The following TDRD5 variants were observed in gnomAD, a reference collection of about 807,000 sequenced individuals.
TDRD5 encodes tudor domain containing 5.
Under a neutral mutation model 120.6 loss-of-function variants are expected in TDRD5, and 41 were observed. The observed-to-expected ratio is 0.34, with a 90% CI of 0.26 to 0.44. TDRD5 has a LOEUF of 0.44. Ranked by LOEUF, TDRD5 falls within the 20% of genes least tolerant of loss-of-function variation. The pLI, the probability that TDRD5 is intolerant of heterozygous loss-of-function variation, is 1.00. For missense variants in TDRD5, 1,006 were observed against 1,221.2 expected (o/e 0.82, Z 2.63); for synonymous variants, 430 against 433.7 (o/e 0.99, Z 0.11).
intron 12 of TDRD5, 124 bp from the exon 13 acceptor site, chr1:179,651,911 TCGAA>T: frequency 1.8e-6 from 2 of 1,097,120 alleles, no homozygotes; most frequent in Non-Finnish European, 2.6e-6. Context: ...AGACTCCATC[TCGAA>T]ATAAATAAAT....
In TDRD5 at chr1:179,600,093, A is replaced by G. The variant is rs150079818; in HGVS notation, c.831+4275A>G. Among the ~76,000 whole-genome samples the G allele has an allele frequency of 2.3e-4, 35 of 152,254 alleles. No individual in the cohort carries two copies. In the East Asian group the frequency reaches 6.0e-3, roughly 26 times the overall value. ...ATTCCAGAAGGAAGGCATTGTTATC[A>G]TAGGTGATGACAGCTCCATGCATAT... On this transcript the variant is annotated intron_variant, in intron 4 of 17. Coordinates refer to ENST00000444136, the MANE Select transcript of TDRD5 (RefSeq NM_001199085.3).
chr1:179,690,759 A>T lies in TDRD5; in HGVS notation c.2924A>T (p.Tyr975Phe). The T allele has an allele frequency of 6.2e-7, 1 of 1,614,234 alleles. No homozygotes were observed. The highest frequency in any genetic ancestry group is 8.5e-7 in the Non-Finnish European group (1 of 1,180,044). Residue 975 changes from tyrosine (Y) to phenylalanine (F), a missense_variant, in exon 18 of 18, where the codon TAC (tyrosine) becomes TTC (phenylalanine). Around this residue, in one of 3 missense-constraint regions of TDRD5, gnomAD observed 403 missense variants for 448.1 expected, o/e 0.90. Transcript: ENST00000444136. ...TCTAGCAGCCGTGCTATTACATTGT[A>T]CAAAGACAAGCGTCAAGAATCTGTA... ...DFSSSRAITL[Y>F]KDKRQESVDQ...
At position 179,651,056 on chromosome 1, in the gene TDRD5, A is replaced by G. The variant is rs748092938; in HGVS notation, c.1990A>G (p.Ile664Val). ...CCATGCTATTGTATGCCGAGAAAAT[A>G]TCTCTTCTAAGGTGGAGCAGTCTGG... ...EGHAIVCREN[I>V]SSKGFSELNP... Residue 664 changes from isoleucine to valine, a missense_variant, in exon 12 of 18, where the codon ATC (isoleucine) becomes GTC (valine). Physicochemically the swap from Ile to Val is conservative, Grantham distance 29. Around this residue, in one of 3 missense-constraint regions of TDRD5, gnomAD observed 403 missense variants for 448.1 expected, o/e 0.90. Transcript: ENST00000444136. 6.2e-7 allele frequency: 1 copy of G among 1,614,104 alleles called. No individual in the cohort carries two copies. The highest frequency in any genetic ancestry group is 1.7e-4 in the Middle Eastern group (1 of 6,060).
At chr1:179,619,438 A>C (rs1425044398) in intron 5 of TDRD5, among the ~76,000 whole-genome samples, 1 of 152,084 alleles carries the variant, frequency 6.6e-6, no homozygotes, top group East Asian at 1.9e-4. Context: ...TTTTTGTGGG[A>C]GCTGTTAATC....
At chr1:179,622,424 A>AC (rs1676888231) in intron 6 of TDRD5, among the ~76,000 whole-genome samples, 1 of 152,156 alleles carries the variant, frequency 6.6e-6, no homozygotes, top group Non-Finnish European at 1.5e-5. Flanking sequence ...AGAAAATGTG[A>AC]CCCCTTGACA....
At chr1:179,618,900 T>C (rs1676701130) in intron 5 of TDRD5, among the ~76,000 whole-genome samples, 1 of 152,144 alleles carries the variant, frequency 6.6e-6, no homozygotes, top group African/African-American at 2.4e-5. Flanking sequence ...CCATAAGTTC[T>C]CTCTTCCTTT....
chr1:179,637,336 A>T (rs1446229111), intron 9 of TDRD5, among the ~76,000 whole-genome samples: 1 of 152,124 alleles, frequency 6.6e-6, no homozygotes, highest in African/African-American at 2.4e-5. Flanking sequence ...AAGTTACTTT[A>T]CTTCTCTGGG....
At chr1:179,654,383 C>G (rs1678879005) in intron 14 of TDRD5, 21 bp downstream of exon 14, 1 of 1,513,308 alleles carries the variant, frequency 6.6e-7, no homozygotes, top group African/African-American at 1.4e-5. Flanking sequence ...GAAAGATAGT[C>G]TTTGAATATG....
intron 17 of TDRD5, among the ~76,000 whole-genome samples, chr1:179,686,873 G>A (rs1362218801): frequency 1.3e-5 from 2 of 152,134 alleles, no homozygotes; most frequent in Non-Finnish European, 2.9e-5. Context: ...GTATTTCTGT[G>A]GGATCAGTGG....
At chr1:179,643,927 G>A (rs780791508) in intron 11 of TDRD5, among the ~76,000 whole-genome samples, 4 of 152,006 alleles carry the variant, frequency 2.6e-5, no homozygotes, top group South Asian at 2.1e-4. Flanking sequence ...AAAGCAAAAG[G>A]AGAAAATCCT....
intron 17 of TDRD5, among the ~76,000 whole-genome samples, chr1:179,673,570 C>T (rs1471544664): frequency 6.6e-6 from 1 of 152,140 alleles, no homozygotes; most frequent in Non-Finnish European, 1.5e-5. Flanking sequence ...TGCATTGGTT[C>T]GGTCTGGAAG....
chr1:179,602,252 C>A (rs1350693739), intron 4 of TDRD5, among the ~76,000 whole-genome samples: 1 of 152,208 alleles, frequency 6.6e-6, no homozygotes, highest in Non-Finnish European at 1.5e-5. Context: ...GCCATTCTTG[C>A]AGGAGTAAGG....
chr1:179,645,513 A>C lies in TDRD5; in HGVS notation c.1800+5068A>C, dbSNP rs1249682311. Among the ~76,000 whole-genome samples the C allele has an allele frequency of 2.0e-5, 3 of 152,348 alleles. No individual in the cohort carries two copies. In the East Asian group the frequency reaches 5.8e-4, roughly 29 times the overall value. On this transcript the variant is annotated intron_variant, in intron 11 of 17. Transcript: ENST00000444136. ...CAGAGGCTGATAGATGGTCCAGTATAGTGTCACTTTTTGTAAATGGTGGTG... is the reference window on the plus strand; with the variant it reads ...CAGAGGCTGATAGATGGTCCAGTATCGTGTCACTTTTTGTAAATGGTGGTG...
rs750042297 is a variant in TDRD5, at chr1:179,670,391, C to CA, written c.2860+1003dup. ...TGGGTGACAGAGTGAGACTCCGTCT[C>CA]AAAAAAAAAAAAAAAATTATATATG... On this transcript the variant is annotated intron_variant, in intron 17 of 17. Transcript: ENST00000444136. Among the ~76,000 whole-genome samples, 1,004 of 102,590 alleles carry CA rather than the reference C, an allele frequency of 9.8e-3. 1 individual carries two copies. Among genetic ancestry groups the CA allele is most frequent in the East Asian group, 0.033 (120 of 3,628 alleles). The allele number at this position is 102,590 out of a possible 152,430, so 67.3% of individuals were successfully genotyped here. A position where few individuals can be genotyped will look rare whatever the true frequency, so the allele number is the denominator to read the frequency against.
chr1:179,674,434 TC>T (rs1680013803), intron 17 of TDRD5, among the ~76,000 whole-genome samples: 1 of 152,192 alleles, frequency 6.6e-6, no homozygotes. Context: ...GTTACTGGAT[TC>T]AGTTCACTAG....
chr1:179,628,314 CTTT>C (rs1677242498), intron 6 of TDRD5, among the ~76,000 whole-genome samples: 2 of 54,966 alleles, frequency 3.6e-5, no homozygotes, highest in Non-Finnish European at 7.1e-5. Flanking sequence ...TATTTCTTTT[CTTT>C]TCTTTTCTTT....
chr1:179,628,461 G>A (rs1677259217), intron 6 of TDRD5, among the ~76,000 whole-genome samples: 1 of 128,238 alleles, frequency 7.8e-6, no homozygotes, highest in African/African-American at 2.8e-5. Flanking sequence ...ACCATGTCCA[G>A]CTAAGTTTTT....
intron 17 of TDRD5, among the ~76,000 whole-genome samples, chr1:179,686,256 C>T (rs909979881): frequency 2.2e-4 from 33 of 152,070 alleles, no homozygotes; most frequent in African/African-American, 7.7e-4. Flanking sequence ...GCATGAAGGG[C>T]TGTTGAATTT....
At chr1:179,626,578 C>T (rs1211831471) in intron 6 of TDRD5, among the ~76,000 whole-genome samples, 3 of 152,098 alleles carry the variant, frequency 2.0e-5, no homozygotes, top group Admixed American at 6.6e-5. Context: ...TAATGCTGTA[C>T]GTGCTGGCCT....
Sources: allele counts gnomAD v4.1 joint callset (sites outside exome capture counted in the v4.1 genomes callset), GRCh38; gene constraint gnomAD v4.1.1; regional missense constraint gnomAD v4.1.1; transcripts MANE v1.5; gene names NCBI Gene and HGNC (gene_info 2026-07-23, HGNC 2026-07-21).